Variants in MCMDC2 observed in about 807,000 individuals in gnomAD.
MCMDC2 encodes the protein minichromosome maintenance domain-containing protein 2.
A neutral mutation model predicts 75.8 loss-of-function variants in MCMDC2; 54 were observed. That is an observed-to-expected ratio of 0.71 (90% CI 0.57 to 0.89). The LOEUF is 0.89. MCMDC2 is among the 40% of genes least tolerant of loss of function. MCMDC2 has a pLI of 0.00. For missense variants in MCMDC2, 656 were observed against 780.4 expected, an observed-to-expected ratio of 0.84 and a Z score of 1.90; for synonymous variants, 249 against 274.6, an observed-to-expected ratio of 0.91 and a Z score of 0.92.
intron 14 of MCMDC2, among the ~76,000 whole-genome samples, chr8:66,915,475 T>TTA (rs1186787979): frequency 1.4e-5 from 2 of 145,144 alleles, no homozygotes; most frequent in African/African-American, 5.1e-5. Flanking sequence ...TTTTATATAT[T>TTA]TATATATATA....
rs139380696 is a variant in MCMDC2 at position 66,887,314 on chromosome 8, C to T, written c.1073+3320C>T. Among the ~76,000 whole-genome samples, 534 of 149,956 alleles carry T rather than the reference C, an allele frequency of 3.6e-3. 2 individuals carry two copies. The highest frequency in any genetic ancestry group is 0.011 in the African/African-American group (450 of 40,774). On this transcript the variant is annotated intron_variant, in intron 9 of 14. Coordinates refer to ENST00000422365, the MANE Select transcript of MCMDC2 (RefSeq NM_173518.5). Reference sequence around the variant, plus strand: ...CAGCACTTTGGGAGACTGAGGTGGGCGGATCACCTGAAGTCAGGAGTTCGA... The same window carrying T: ...CAGCACTTTGGGAGACTGAGGTGGGTGGATCACCTGAAGTCAGGAGTTCGA...
downstream of MCMDC2, chr8:66,925,649 C>T (rs1164656259): frequency 6.6e-6 from 1 of 152,320 alleles, no homozygotes; most frequent in Non-Finnish European, 1.5e-5. Context: ...TGCACCGGCT[C>T]TGGGGAGGGG....
chr8:66,897,070 C>A, intron 12 of MCMDC2, 111 bp downstream of exon 12: 1 of 1,038,354 alleles, frequency 9.6e-7, no homozygotes, highest in Non-Finnish European at 1.4e-6. Flanking sequence ...TTTATTCCAT[C>A]TTGGTTCCAG....
At chr8:66,924,592 G>T (rs1198365960), downstream of MCMDC2, among the ~76,000 whole-genome samples, 1 of 149,058 alleles carries the variant, frequency 6.7e-6, no homozygotes, top group East Asian at 2.0e-4. Flanking sequence ...CCAAGATCGC[G>T]TCACTGCACT....
chr8:66,923,850 T>C (rs962976306), downstream of MCMDC2, among the ~76,000 whole-genome samples: 1 of 151,942 alleles, frequency 6.6e-6, no homozygotes, highest in African/African-American at 2.4e-5. Flanking sequence ...ATCGCGCCAC[T>C]GCACTCCAGC....
At chr8:66,878,744 G>A in intron 6 of MCMDC2, 48 bp downstream of exon 6, 2 of 1,457,492 alleles carry the variant, frequency 1.4e-6, no homozygotes, top group Middle Eastern at 2.2e-4. Context: ...AATAGTGTCT[G>A]ATATTTCAAT....
At chr8:66,899,593 T>TCAAGTGATTCTC (rs1334775186) in intron 12 of MCMDC2, among the ~76,000 whole-genome samples, 3 of 151,990 alleles carry the variant, frequency 2.0e-5, no homozygotes, top group Non-Finnish European at 4.4e-5. Context: ...CCTGCTGGGT[T>TCAAGTGATTCTC]CAAGTGATTC....
intron 9 of MCMDC2, among the ~76,000 whole-genome samples, chr8:66,888,389 T>C (rs531119839): frequency 6.6e-6 from 1 of 152,324 alleles, no homozygotes; most frequent in East Asian, 1.9e-4. Flanking sequence ...GCCAAATCAG[T>C]ATGTTAATAC....
rs558658692 is a variant in MCMDC2 at position 66,887,890 on chromosome 8, C to T, written c.1074-2975C>T. Among the ~76,000 whole-genome samples the T allele has an allele frequency of 5.9e-5, 9 of 152,254 alleles. No homozygotes were observed. The South Asian group carries it at 1.9e-3, about 32-fold the overall frequency. On this transcript the variant is annotated intron_variant, in intron 9 of 14. Coordinates refer to ENST00000422365, the MANE Select transcript of MCMDC2 (RefSeq NM_173518.5). ...GGCAGAATCAGGGTATAAAATTGAACTGGATGTAAATCTATTTGAACTCTC... is the reference window on the plus strand; with the variant it reads ...GGCAGAATCAGGGTATAAAATTGAATTGGATGTAAATCTATTTGAACTCTC...
At chr8:66,895,849 T>A (rs1176850747) in intron 10 of MCMDC2, among the ~76,000 whole-genome samples, 1 of 152,176 alleles carries the variant, frequency 6.6e-6, no homozygotes, top group African/African-American at 2.4e-5. Flanking sequence ...AAGAACAGGA[T>A]TTAATTTTAG....
chr8:66,874,557 T>C lies in MCMDC2; in HGVS notation c.256T>C (p.Leu86=), dbSNP rs200261370. The C allele has an allele frequency of 3.7e-5, 60 of 1,612,962 alleles. No homozygotes were observed. The South Asian group carries it at 5.5e-4, about 15-fold the overall frequency. Residue 86 remains leucine (L), a synonymous_variant, in exon 4 of 15, where the codon TTA becomes CTA. Coordinates refer to ENST00000422365, the MANE Select transcript of MCMDC2 (RefSeq NM_173518.5). ...VCFIAVKTLS[L]IGQLQTETQI... ...TTTTATTGCTGTTAAGACTCTCTCATTAATTGGACAATTGCAGACTGAAAC... is the reference window on the plus strand; with the variant it reads ...TTTTATTGCTGTTAAGACTCTCTCACTAATTGGACAATTGCAGACTGAAAC...
chr8:66,892,500 CA>C, intron 10 of MCMDC2, among the ~76,000 whole-genome samples: 1 of 152,328 alleles, frequency 6.6e-6, no homozygotes, highest in South Asian at 2.1e-4. Context: ...GAACAGCTTT[CA>C]GTGGACAGGA....
In MCMDC2 at chr8:66,877,424, G is replaced by T; in HGVS notation, c.361G>T (p.Asp121Tyr). The change falls in exon 5 of 15, where the codon GAT becomes TAT. Residue 121 changes from aspartate (D) to tyrosine (Y), a missense_variant. Asp to Tyr is a radical substitution (Grantham distance 160, BLOSUM62 -3). Transcript: ENST00000422365. ...YGLDLCEFPL[D>Y]YTSQRFYMMQ... Reference sequence around the variant, plus strand: ...TCTTGATCTTTGTGAGTTTCCACTTGATTATACATCTCAGAGATTTTATAT... The same window carrying T: ...TCTTGATCTTTGTGAGTTTCCACTTTATTATACATCTCAGAGATTTTATAT... The T allele has an allele frequency of 6.2e-7, 1 of 1,613,138 alleles. No homozygotes were observed. Among genetic ancestry groups the T allele is most frequent in the Non-Finnish European group, 8.5e-7 (1 of 1,179,560 alleles).
chr8:66,882,357 T>TC (rs1374701661), intron 8 of MCMDC2, among the ~76,000 whole-genome samples: 2 of 152,004 alleles, frequency 1.3e-5, no homozygotes, highest in Non-Finnish European at 1.5e-5. Context: ...AAGTTTCTTT[T>TC]CTTTTTTTTT....
intron 4 of MCMDC2, among the ~76,000 whole-genome samples, chr8:66,875,853 T>C (rs1188180503): frequency 6.6e-6 from 1 of 152,234 alleles, no homozygotes; most frequent in Non-Finnish European, 1.5e-5. Flanking sequence ...TCCTACGTTA[T>C]ATAATCTTGA....
chr8:66,924,990 T>C (rs1410235551), downstream of MCMDC2, among the ~76,000 whole-genome samples: 2 of 152,180 alleles, frequency 1.3e-5, no homozygotes, highest in African/African-American at 4.8e-5. Flanking sequence ...GATAATCACC[T>C]TCCTATTTAT....
At position 66,896,933 on chromosome 8, in the gene MCMDC2, C is replaced by G. The variant is rs775050651; in HGVS notation, c.1600C>G (p.Gln534Glu). The change falls in exon 12 of 15, where the codon CAG becomes GAG. Residue 534 changes from glutamine to glutamate, a missense_variant. Gln to Glu is a conservative substitution (Grantham distance 29, BLOSUM62 2). Transcript: ENST00000422365. ...AGGGCTGTTTTATGCGGCTTCTAGACAGTTCACAACTGAAGATTTTGAAAA... is the reference window on the plus strand; with the variant it reads ...AGGGCTGTTTTATGCGGCTTCTAGAGAGTTCACAACTGAAGATTTTGAAAA... The part of the protein sequence containing the change: ...PEGLFYAASR[Q>E]FTTEDFEKLL... 2.5e-6 allele frequency: 4 copies of G among 1,605,834 alleles called. No homozygotes were observed. In the African/African-American group the frequency reaches 4.0e-5, roughly 16 times the overall value.
At chr8:66,874,481 T>C (rs747785016) in intron 3 of MCMDC2, 25 bp downstream of exon 3, 12 of 1,611,978 alleles carry the variant, frequency 7.4e-6, no homozygotes, top group South Asian at 1.1e-5. Context: ...GAAATAATTT[T>C]ATGCCACATG....
intron 8 of MCMDC2, 22 bp from the exon 9 acceptor site, chr8:66,883,735 A>C: frequency 7.6e-7 from 1 of 1,320,744 alleles, no homozygotes; most frequent in Non-Finnish European, 1.1e-6. Flanking sequence ...TTTCTAATAT[A>C]TATGTTAATA....
Sources: gnomAD v4.1 joint callset for allele counts (sites outside exome capture counted in the v4.1 genomes callset) on GRCh38, gnomAD v4.1.1 for gene constraint, MANE v1.5 for transcripts, NCBI Gene and HGNC (gene_info 2026-07-23, HGNC 2026-07-21) for gene names.